The following MALRD1 variants were observed in gnomAD, a reference collection of about 807,000 sequenced individuals.
MALRD1 encodes MAM and LDL receptor class A domain containing 1.
MALRD1 carries 247 observed loss-of-function variants against 242.1 expected under a neutral mutation model. The observed-to-expected ratio is 1.02, with a 90% CI of 0.92 to 1.13. The LOEUF is 1.13. Among genes scored for constraint, MALRD1 ranks in the 50% most tolerant of loss-of-function variants. The pLI, the probability that MALRD1 is intolerant of heterozygous loss-of-function variation, is 0.00. For synonymous variants in MALRD1, 995 were observed against 866.6 expected (o/e 1.15, Z -2.60); for missense variants, 2,989 against 2,533.1 (o/e 1.18, Z -3.86).
In MALRD1 at chr10:19,209,651, C is replaced by T. The variant is rs779785037; in HGVS notation, c.2962C>T (p.Leu988Phe). ...NQGNRWIRKH[L>F]NISSRQPFQI... ...AGGCAACAGATGGATTAGGAAACAC[C>T]TCAACATTTCCAGCAGGCAGCCCTT... The change falls in exon 18 of 40, where the codon CTC (leucine) becomes TTC (phenylalanine). Residue 988 changes from leucine (L) to phenylalanine (F), a missense_variant. Transcript: ENST00000454679. 2.0e-5 allele frequency: 31 copies of T among 1,549,678 alleles called. No individual in the cohort carries two copies. The highest frequency in any genetic ancestry group is 1.7e-4 in the Middle Eastern group (1 of 5,998).
At chr10:19,695,208 C>T (rs1833316225) in intron 38 of MALRD1, among the ~76,000 whole-genome samples, 1 of 151,998 alleles carries the variant, frequency 6.6e-6, no homozygotes, top group Non-Finnish European at 1.5e-5. Flanking sequence ...TACCCTAGAA[C>T]TTAAAGTATA....
At chr10:19,333,269 A>G (rs1032007415) in intron 24 of MALRD1, among the ~76,000 whole-genome samples, 2 of 152,106 alleles carry the variant, frequency 1.3e-5, no homozygotes, top group Non-Finnish European at 2.9e-5. Context: ...CATAGGACAC[A>G]ATAGATTTTT....
chr10:19,629,443 G>A (rs116809443), intron 36 of MALRD1, among the ~76,000 whole-genome samples: 139 of 152,234 alleles, frequency 9.1e-4, no homozygotes, highest in African/African-American at 3.3e-3. Flanking sequence ...CTTTAAAAGA[G>A]AGAACAAGAA....
chr10:19,534,115 C>G (rs1834544591), intron 32 of MALRD1, among the ~76,000 whole-genome samples: 1 of 152,102 alleles, frequency 6.6e-6, no homozygotes, highest in Non-Finnish European at 1.5e-5. Context: ...CTGTTTAAAC[C>G]CTCAATCCCA....
rs572906972 is a variant in MALRD1 at position 19,097,938 on chromosome 10, T to C, written c.598-6041T>C. Among the ~76,000 whole-genome samples the C allele has an allele frequency of 1.5e-3, 233 of 152,272 alleles. 1 individual carries two copies. Among genetic ancestry groups the C allele is most frequent in the African/African-American group, 5.3e-3 (220 of 41,556 alleles). On this transcript the variant is annotated intron_variant, in intron 4 of 39. Coordinates refer to ENST00000454679, the MANE Select transcript of MALRD1 (RefSeq NM_001142308.3). ...CCTGTGTATAAACATGTATTGTACC[T>C]AGGGTGGACGCGTTCCTCCTCTTAC...
At chr10:19,317,940 C>T (rs1842770401) in intron 21 of MALRD1, among the ~76,000 whole-genome samples, 1 of 152,020 alleles carries the variant, frequency 6.6e-6, no homozygotes, top group East Asian at 1.9e-4. Flanking sequence ...GCACGATTTT[C>T]TTAAACCTTT....
Position 19,719,175 on chromosome 10 carries a change from CAT to C in MALRD1, c.6315-11517_6315-11516del, listed in dbSNP as rs1181720186. The stretch of plus-strand genomic sequence containing the variant: ...CAAATTATATATATATATATACATA[CAT>C]ATATATATATATACATACATATATA... On this transcript the variant is annotated intron_variant, in intron 38 of 39. Transcript: ENST00000454679. 6.2e-4 allele frequency among the ~76,000 whole-genome samples: 20 copies of C among 32,192 alleles called. No homozygotes were observed. In the South Asian group the frequency reaches 0.01, roughly 16 times the overall value. 21.1% of individuals were successfully genotyped at this position (32,192 alleles called of 152,430 possible). A position where few individuals can be genotyped will look rare whatever the true frequency, so the allele number is the denominator to read the frequency against.
intron 36 of MALRD1, among the ~76,000 whole-genome samples, chr10:19,663,730 G>A (rs761100026): frequency 6.6e-6 from 1 of 151,996 alleles, no homozygotes; most frequent in Non-Finnish European, 1.5e-5. Context: ...CCCTTCATCT[G>A]GGAAACAGGT....
At chr10:19,511,849 AAAAAT>A (rs1386540862) in intron 31 of MALRD1, among the ~76,000 whole-genome samples, 4 of 152,158 alleles carry the variant, frequency 2.6e-5, no homozygotes, top group African/African-American at 9.7e-5. Context: ...AACACAGAGA[AAAAAT>A]AAAAAAGACA....
intron 36 of MALRD1, among the ~76,000 whole-genome samples, chr10:19,682,895 T>C (rs1023796324): frequency 2.0e-5 from 3 of 152,146 alleles, no homozygotes; most frequent in Non-Finnish European, 4.4e-5. Context: ...CATCTGGGCA[T>C]GGGGAAAAGT....
At chr10:19,308,995 T>C (rs1274765937) in intron 21 of MALRD1, among the ~76,000 whole-genome samples, 2 of 151,644 alleles carry the variant, frequency 1.3e-5, no homozygotes, top group Non-Finnish European at 3.0e-5. Flanking sequence ...TATTTTGTAA[T>C]CTGGGTTTTG....
In MALRD1 at chr10:19,343,262, T is replaced by A. The variant is rs534627612; in HGVS notation, c.3902-4509T>A. ...CCTTCAATTTTGAAATAATTATGAA[T>A]TCATAGAAACTTCAAAGAGAGTGCA... On this transcript the variant is annotated intron_variant, in intron 24 of 39. Coordinates refer to ENST00000454679, the MANE Select transcript of MALRD1 (RefSeq NM_001142308.3). Among the ~76,000 whole-genome samples the A allele has an allele frequency of 2.6e-5, 4 of 152,218 alleles. No individual in the cohort carries two copies. The East Asian group carries it at 7.7e-4, about 29-fold the overall frequency.
chr10:19,108,418 T>TACC (rs1449100230), intron 5 of MALRD1, among the ~76,000 whole-genome samples: 12 of 24,334 alleles, frequency 4.9e-4, no homozygotes, highest in African/African-American at 7.2e-4. Context: ...TTTTTTTTTT[T>TACC]TTTTTTTAAG....
intron 5 of MALRD1, among the ~76,000 whole-genome samples, chr10:19,121,718 T>C (rs1837072584): frequency 1.3e-5 from 2 of 152,078 alleles, no homozygotes; most frequent in African/African-American, 2.4e-5. Flanking sequence ...CATGGAGAGT[T>C]GACCCGCTCC....
intron 33 of MALRD1, among the ~76,000 whole-genome samples, chr10:19,587,745 CAG>C (rs1837511657): frequency 6.6e-6 from 1 of 151,968 alleles, no homozygotes; most frequent in South Asian, 2.1e-4. Flanking sequence ...GTATGGTAAT[CAG>C]AGAGATGTCT....
chr10:19,718,084 G>A (rs1269085774), intron 38 of MALRD1, among the ~76,000 whole-genome samples: 1 of 127,680 alleles, frequency 7.8e-6, no homozygotes, highest in Non-Finnish European at 1.6e-5. Flanking sequence ...AGAGGAATAA[G>A]TAGAAGAAGA....
chr10:19,364,050 G>T lies in MALRD1; in HGVS notation c.4441+11753G>T, dbSNP rs564958285. On this transcript the variant is annotated intron_variant, in intron 26 of 39. Transcript: ENST00000454679. ...GCATGATGGAAAGGATTGTGAAGGG[G>T]CCAAAAAAGTTAAAAAATATCAGCA... Among the ~76,000 whole-genome samples, 3 of 152,118 alleles carry T rather than the reference G, an allele frequency of 2.0e-5. No individual in the cohort carries two copies. The East Asian group carries it at 5.8e-4, about 29-fold the overall frequency.
chr10:19,248,586 C>CA (rs930738854), intron 18 of MALRD1, among the ~76,000 whole-genome samples: 2 of 151,684 alleles, frequency 1.3e-5, no homozygotes, highest in South Asian at 4.2e-4. Flanking sequence ...CGTGATCAGT[C>CA]AAAAAAAGCA....
intron 21 of MALRD1, among the ~76,000 whole-genome samples, chr10:19,286,733 C>T (rs1343488298): frequency 6.6e-6 from 1 of 151,204 alleles, no homozygotes; most frequent in East Asian, 1.9e-4. Flanking sequence ...CCGAATTCTA[C>T]CAGAGGTACA....
Sources: gnomAD v4.1 joint callset for allele counts (sites outside exome capture counted in the v4.1 genomes callset) on GRCh38, gnomAD v4.1.1 for gene constraint, MANE v1.5 for transcripts, NCBI Gene and HGNC (gene_info 2026-07-23, HGNC 2026-07-21) for gene names.